The following AADACL3 variants were observed in gnomAD, a reference collection of about 807,000 sequenced individuals.
The protein encoded by AADACL3 is arylacetamide deacetylase like 3.
A neutral mutation model predicts 13.6 loss-of-function variants in AADACL3; 13 were observed. The ratio of observed to expected loss-of-function variants is 0.95; its 90% CI spans 0.62 to 1.52. The LOEUF (loss-of-function observed/expected upper bound fraction) is 1.52. Ranked by LOEUF, AADACL3 falls within the 40% of genes most tolerant of loss-of-function variation. AADACL3 has a pLI of 0.00. For missense variants in AADACL3, 519 were observed against 499.2 expected, an observed-to-expected ratio of 1.04 and a Z score of -0.38; for synonymous variants, 195 against 197.0, an observed-to-expected ratio of 0.99 and a Z score of 0.08.
At chr1:12,716,414 G>C in intron 1 of AADACL3, 70 bp downstream of exon 1, 1 of 1,597,006 alleles carries the variant, frequency 6.3e-7, no homozygotes, top group Non-Finnish European at 8.6e-7. Context: ...ATCACACACC[G>C]GAAGCTTCTA....
At chr1:12,721,466 C>T (rs370792092) in intron 3 of AADACL3, among the ~76,000 whole-genome samples, 1 of 152,118 alleles carries the variant, frequency 6.6e-6, no homozygotes, top group African/African-American at 2.4e-5. Context: ...GATGGAGAGA[C>T]AGAGAATGGG....
At chr1:12,717,369 T>C (rs911390211) in intron 1 of AADACL3, among the ~76,000 whole-genome samples, 1 of 152,180 alleles carries the variant, frequency 6.6e-6, no homozygotes, top group Admixed American at 6.5e-5. Flanking sequence ...ATTTCCTCTT[T>C]TGCAAAGTAG....
chr1:12,719,231 A>G (rs1648510402), intron 1 of AADACL3, among the ~76,000 whole-genome samples: 1 of 152,040 alleles, frequency 6.6e-6, no homozygotes, highest in Admixed American at 6.6e-5. Flanking sequence ...GCTGCAGTGG[A>G]AGGTGTCAGG....
intron 3 of AADACL3, among the ~76,000 whole-genome samples, chr1:12,723,635 G>A (rs1638308960): frequency 2.0e-5 from 3 of 151,826 alleles, no homozygotes; most frequent in African/African-American, 4.8e-5. Flanking sequence ...ACACCACCAC[G>A]CCTGGCTAAT....
At position 12,726,193 on chromosome 1, in the gene AADACL3, G is replaced by A. The variant is rs1351422328; in HGVS notation, c.*197G>A. 3.2e-6 allele frequency: 2 copies of A among 618,972 alleles called. No homozygotes were observed. The highest frequency in any genetic ancestry group is 3.2e-5 in the Admixed American group (1 of 30,936). The allele number at this position is 618,972 out of a possible 1,614,324, so 38.3% of individuals were successfully genotyped here. On this transcript the variant is annotated 3_prime_UTR_variant, in exon 4 of 4. Coordinates refer to ENST00000359318, the MANE Select transcript of AADACL3 (RefSeq NM_001103170.3). ...CCAGAGGACGTGGTAGAAAAGACAG[G>A]TTTGGAGGTGGGAGTGTGGCTGTCT...
chr1:12,724,436 A>G (rs1025773890), intron 3 of AADACL3, among the ~76,000 whole-genome samples: 9 of 152,206 alleles, frequency 5.9e-5, no homozygotes, highest in African/African-American at 1.4e-4. Context: ...TCTTTCTTTC[A>G]TCAATATAAT....
chr1:12,719,129 G>A (rs955249002), intron 1 of AADACL3, among the ~76,000 whole-genome samples: 11 of 152,300 alleles, frequency 7.2e-5, no homozygotes, highest in Middle Eastern at 3.4e-3. Flanking sequence ...CAGATGTTGC[G>A]CCCAGGCTGA....
chr1:12,720,434 C>A (rs1224345560), intron 2 of AADACL3, among the ~76,000 whole-genome samples: 2 of 152,018 alleles, frequency 1.3e-5, no homozygotes, highest in Non-Finnish European at 2.9e-5. Flanking sequence ...CTGTGAGAAC[C>A]CTATATGTGG....
intron 3 of AADACL3, among the ~76,000 whole-genome samples, chr1:12,723,990 G>C (rs1638315748): frequency 6.8e-6 from 1 of 146,022 alleles, no homozygotes; most frequent in Non-Finnish European, 1.5e-5. Flanking sequence ...CTCCATGTTG[G>C]TCAGGCTGGT....
Position 12,716,365 on chromosome 1 carries a change from G to T in AADACL3, c.168+21G>T, listed in dbSNP as rs202247265. ...CTTGGGTGAGTTTTGTGCTTTATGT[G>T]TCCCCTCCAGCTGACCATTAAGGAA... is the stretch of plus-strand genomic sequence containing the variant. On this transcript the variant is annotated intron_variant, in intron 1 of 3. Transcript: ENST00000359318. The T allele has an allele frequency of 7.4e-6, 12 of 1,613,968 alleles. No individual in the cohort carries two copies. The East Asian group carries it at 2.2e-4, about 30-fold the overall frequency.
At chr1:12,725,064 C>T (rs1233440108) in intron 3 of AADACL3, among the ~76,000 whole-genome samples, 158 bp from the exon 4 acceptor site, 1 of 152,168 alleles carries the variant, frequency 6.6e-6, no homozygotes, top group East Asian at 1.9e-4. Context: ...GGTATGTGGG[C>T]TTTATGTGTC....
intron 1 of AADACL3, 68 bp downstream of exon 1, chr1:12,716,412 C>G (rs1648435396): frequency 1.3e-6 from 2 of 1,598,140 alleles, no homozygotes; most frequent in East Asian, 2.2e-5. Context: ...AAATCACACA[C>G]CGGAAGCTTC....
chr1:12,716,368 C>G (rs1401795411), intron 1 of AADACL3, 24 bp downstream of exon 1: 2 of 1,613,878 alleles, frequency 1.2e-6, no homozygotes, highest in Non-Finnish European at 1.7e-6. Flanking sequence ...TTTATGTGTC[C>G]CCTCCAGCTG....
chr1:12,727,527 T>C lies in AADACL3; in HGVS notation c.*1531T>C, dbSNP rs1445885530. On this transcript the variant is annotated 3_prime_UTR_variant, in exon 4 of 4. Transcript: ENST00000359318. ...GTCCTCTGCTGGCCCCACTTGGTCT[T>C]CTGGAGGCTCTGATCTTGGTTGGTT... The C allele has an allele frequency of 6.6e-6, 1 of 152,246 alleles. No individual in the cohort carries two copies. The highest frequency in any genetic ancestry group is 1.5e-5 in the Non-Finnish European group (1 of 68,054). The allele number at this position is 152,246 out of a possible 1,614,324, so 9.4% of individuals were successfully genotyped here. A position where few individuals can be genotyped will look rare whatever the true frequency, so the allele number is the denominator to read the frequency against.
chr1:12,720,631 G>A (rs570653773), intron 2 of AADACL3, among the ~76,000 whole-genome samples: 78 of 152,244 alleles, frequency 5.1e-4, no homozygotes, highest in Middle Eastern at 3.4e-3. Context: ...AAACCTCTGC[G>A]TTCTACAGTC....
At position 12,725,247 on chromosome 1, in the gene AADACL3, T is replaced by A; in HGVS notation, c.475T>A (p.Phe159Ile). Residue 159 changes from phenylalanine to isoleucine, a missense_variant, in exon 4 of 4, where the codon TTT (phenylalanine) becomes ATT (isoleucine). Transcript: ENST00000359318. ...VGYRKLPKHK[F>I]PVPVRDCLVA... The stretch of plus-strand genomic sequence containing the variant: ...TTACCGCAAGTTACCTAAGCATAAG[T>A]TTCCAGTGCCAGTAAGAGACTGCTT... The A allele has an allele frequency of 6.2e-7, 1 of 1,607,952 alleles. No individual in the cohort carries two copies. The highest frequency in any genetic ancestry group is 2.2e-5 in the East Asian group (1 of 44,820).
At chr1:12,722,070 G>A (rs1638271305) in intron 3 of AADACL3, among the ~76,000 whole-genome samples, 1 of 152,172 alleles carries the variant, frequency 6.6e-6, no homozygotes, top group South Asian at 2.1e-4. Flanking sequence ...AGTGGCTCAC[G>A]CTTGTAATCC....
Position 12,725,995 on chromosome 1 carries a change from G to T in AADACL3, c.1223G>T (p.Ter408LeuextTer27). 6.2e-7 allele frequency: 1 copy of T among 1,606,576 alleles called. No homozygotes were observed. The highest frequency in any genetic ancestry group is 1.1e-5 in the South Asian group (1 of 89,748). ...TTAGTTCAATTTGTAAAGGGACTGT[G>T]ACCATCTTTCTTCTCTGCTGGTACT... The part of the protein sequence containing the change: ...SALVQFVKGL[*>L] Residue 408 changes from the stop codon to leucine, a stop_lost, in exon 4 of 4, where the codon TGA (stop) becomes TTA (leucine). Coordinates refer to ENST00000359318, the MANE Select transcript of AADACL3 (RefSeq NM_001103170.3).
Position 12,728,151 on chromosome 1 carries a change from A to G in AADACL3, c.*2155A>G, listed in dbSNP as rs565402535. The G allele has an allele frequency of 2.6e-5, 4 of 152,250 alleles. No homozygotes were observed. In the South Asian group the frequency reaches 6.2e-4, roughly 24 times the overall value. The allele number at this position is 152,250 out of a possible 1,614,324, so 9.4% of individuals were successfully genotyped here. On this transcript the variant is annotated 3_prime_UTR_variant, in exon 4 of 4. Transcript: ENST00000359318. The stretch of plus-strand genomic sequence containing the variant: ...ATCACCACTATCCTTCCTGCAATAC[A>G]TCCACGAGACTCACTGAGTGGAAAA...
Sources: gnomAD v4.1 joint callset for allele counts (sites outside exome capture counted in the v4.1 genomes callset) on GRCh38, gnomAD v4.1.1 for gene constraint, MANE v1.5 for transcripts, NCBI Gene and HGNC (gene_info 2026-07-23, HGNC 2026-07-21) for gene names.